ACSF3: variants seen among roughly 807,000 people sequenced by gnomAD.
ACSF3 encodes malonate--CoA ligase ACSF3, mitochondrial.
ACSF3 carries 78 observed loss-of-function variants against 53.2 expected under a neutral mutation model. The ratio of observed to expected loss-of-function variants is 1.47; its 90% CI spans 1.22 to 1.77. The LOEUF (loss-of-function observed/expected upper bound fraction) is 1.77, where lower values mean the gene tolerates loss of function less well. Ranked by LOEUF, ACSF3 falls within the 40% of genes most tolerant of loss-of-function variation. The pLI is 0.00. For missense variants in ACSF3, 937 were observed against 771.1 expected (o/e 1.22, Z -2.55); for synonymous variants, 414 against 333.1 (o/e 1.24, Z -2.65).
Position 89,155,480 on chromosome 16 carries a change from G to A in ACSF3, c.*1273G>A, listed in dbSNP as rs754837787. 84 of 454,106 alleles carry A rather than the reference G, an allele frequency of 1.8e-4. No homozygotes were observed. Among genetic ancestry groups the A allele is most frequent in the Middle Eastern group, 1.4e-3 (2 of 1,444 alleles). 28.1% of individuals were successfully genotyped at this position (454,106 alleles called of 1,614,324 possible). On this transcript the variant is annotated 3_prime_UTR_variant, in exon 11 of 11. Transcript: ENST00000614302. ...AGCTTGTCTGAGGCCACAGAGCAGC[G>A]TCCCAGCCCTGTTTTCCAGGACTGG... is the stretch of plus-strand genomic sequence containing the variant.
chr16:89,153,010 G>A (rs536365245), intron 10 of ACSF3: 3 of 152,582 alleles, frequency 2.0e-5, no homozygotes, highest in East Asian at 3.9e-4. Context: ...CCTCTGTCGC[G>A]AGAGGCCTAC....
chr16:89,140,129 C>T (rs1193350584), intron 8 of ACSF3, among the ~76,000 whole-genome samples: 2 of 152,244 alleles, frequency 1.3e-5, no homozygotes, highest in African/African-American at 4.8e-5. Context: ...GGTGCAGAAG[C>T]CTCCAGTGTC....
intron 4 of ACSF3, among the ~76,000 whole-genome samples, chr16:89,109,812 C>G (rs996325499): frequency 3.3e-5 from 5 of 152,234 alleles, no homozygotes; most frequent in Admixed American, 2.6e-4. Context: ...GCCTCACACT[C>G]CTGAGCTCAA....
chr16:89,135,261 G>T (rs557711874), intron 8 of ACSF3, among the ~76,000 whole-genome samples: 52 of 152,388 alleles, frequency 3.4e-4, no homozygotes, highest in Non-Finnish European at 3.4e-4. Flanking sequence ...GCAGCGTGCA[G>T]GCGGGATGGG....
chr16:89,139,092 C>G (rs1343722838), intron 8 of ACSF3, among the ~76,000 whole-genome samples: 1 of 152,252 alleles, frequency 6.6e-6, no homozygotes, highest in Non-Finnish European at 1.5e-5. Context: ...CGGCCCGGCT[C>G]AGTCCCGTAT....
intron 1 of ACSF3, among the ~76,000 whole-genome samples, chr16:89,097,774 A>G (rs200168797): frequency 7.4e-5 from 1 of 13,458 alleles, no homozygotes; most frequent in Non-Finnish European, 3.2e-4. Context: ...ACAGCTGTGG[A>G]GGGCTTCTAG....
At chr16:89,147,510 G>GTCCACAGA (rs1913278278) in intron 10 of ACSF3, 1 of 111,154 alleles carries the variant, frequency 9.0e-6, no homozygotes, top group Non-Finnish European at 1.9e-5. Context: ...AGGAGGGAGG[G>GTCCACAGA]GTCACAGAGT....
chr16:89,134,209 G>A (rs1184185441), intron 8 of ACSF3, among the ~76,000 whole-genome samples: 1 of 152,166 alleles, frequency 6.6e-6, no homozygotes, highest in Non-Finnish European at 1.5e-5. Context: ...GGCAAGCGTC[G>A]TGTTCTCTGA....
intron 1 of ACSF3, among the ~76,000 whole-genome samples, 171 bp downstream of exon 1, chr16:89,094,167 G>C (rs978213149): frequency 5.9e-5 from 9 of 151,560 alleles, no homozygotes; most frequent in Admixed American, 1.3e-4. Flanking sequence ...TTCCCGGGAC[G>C]CCGAGCCTCT....
intron 8 of ACSF3, chr16:89,141,163 C>T: frequency 1.6e-6 from 2 of 1,287,256 alleles, no homozygotes; most frequent in Non-Finnish European, 2.0e-6. Context: ...TCTTGCTTGG[C>T]TGAGACTTTG....
intron 5 of ACSF3, among the ~76,000 whole-genome samples, chr16:89,112,751 T>C (rs1904308854): frequency 6.6e-6 from 1 of 152,244 alleles, no homozygotes; most frequent in Admixed American, 6.5e-5. Context: ...TCTCTCTCTC[T>C]GTCATGGCGT....
intron 2 of ACSF3, among the ~76,000 whole-genome samples, chr16:89,100,429 G>T (rs1190278443): frequency 2.0e-5 from 3 of 152,192 alleles, no homozygotes; most frequent in African/African-American, 7.2e-5. Context: ...GTGTGGTTTG[G>T]GAATCCTTAA....
intron 8 of ACSF3, among the ~76,000 whole-genome samples, chr16:89,134,763 G>T (rs1009528494): frequency 2.0e-5 from 3 of 152,096 alleles, no homozygotes; most frequent in African/African-American, 7.3e-5. Context: ...TTTACTACCT[G>T]ACTGGTCGGG....
At chr16:89,139,911 C>T (rs931347004) in intron 8 of ACSF3, among the ~76,000 whole-genome samples, 6 of 152,130 alleles carry the variant, frequency 3.9e-5, no homozygotes, top group Non-Finnish European at 7.4e-5. Context: ...CTCTTTTTAA[C>T]GTACAGGGTG....
intron 8 of ACSF3, among the ~76,000 whole-genome samples, chr16:89,143,759 C>T (rs1413137986): frequency 6.6e-6 from 1 of 152,174 alleles, no homozygotes; most frequent in Non-Finnish European, 1.5e-5. Context: ...TTCTGCTACC[C>T]ATCAGCACAG....
chr16:89,152,646 A>G (rs1914237279), intron 10 of ACSF3: 1 of 152,202 alleles, frequency 6.6e-6, no homozygotes, highest in African/African-American at 2.4e-5. Flanking sequence ...ACCACACTGT[A>G]CATAGGACAG....
chr16:89,125,657 C>G (rs915690927), intron 7 of ACSF3, among the ~76,000 whole-genome samples: 2 of 151,514 alleles, frequency 1.3e-5, no homozygotes, highest in African/African-American at 4.9e-5. Context: ...CACCACTGCA[C>G]TCCAGCCTGG....
chr16:89,131,127 C>CTTTTTTTTTTTTTTTTTTTT (rs558773398), intron 7 of ACSF3, among the ~76,000 whole-genome samples: 10 of 69,562 alleles, frequency 1.4e-4, no homozygotes, highest in Admixed American at 2.0e-4. Context: ...TTTTCTTTTT[C>CTTTTTTTTTTTTTTTTTTTT]TTTTTTTTTT....
intron 8 of ACSF3, 139 bp from the exon 9 acceptor site, chr16:89,145,128 C>T: frequency 6.2e-7 from 1 of 1,601,874 alleles, no homozygotes; most frequent in Non-Finnish European, 8.5e-7. Context: ...TTGGGGTTGC[C>T]ACAGGGTAGT....
Sources: gnomAD v4.1 joint callset for allele counts (sites outside exome capture counted in the v4.1 genomes callset) on GRCh38, gnomAD v4.1.1 for gene constraint, MANE v1.5 for transcripts, NCBI Gene and HGNC (gene_info 2026-07-23, HGNC 2026-07-21) for gene names.